The following TANC2 variants were observed in gnomAD, a reference collection of about 807,000 sequenced individuals.
TANC2 encodes the protein protein TANC2.
In TANC2, 26 loss-of-function variants were observed where a neutral mutation model predicts 210.5. The observed-to-expected ratio is 0.12, with a 90% CI of 0.09 to 0.17. The LOEUF is 0.17. Ranked by LOEUF, TANC2 falls within the 10% of genes least tolerant of loss-of-function variation. The pLI, the probability that TANC2 is intolerant of heterozygous loss-of-function variation, is 1.00. For synonymous variants in TANC2, 931 were observed against 967.1 expected (o/e 0.96, Z 0.69); for missense variants, 2,129 against 2,608.9 (o/e 0.82, Z 4.01).
chr17:63,410,469 C>G (rs1215733544), intron 21 of TANC2, among the ~76,000 whole-genome samples: 1 of 152,002 alleles, frequency 6.6e-6, no homozygotes, highest in Non-Finnish European at 1.5e-5. Context: ...TTATTTCCCC[C>G]ACCTGGGGAG....
chr17:63,121,987 A>AG (rs1223632048), intron 4 of TANC2, among the ~76,000 whole-genome samples: 1 of 46,508 alleles, frequency 2.2e-5, no homozygotes. Context: ...AGGGGGGAAG[A>AG]GGGGGAGGGG....
chr17:63,261,879 T>G (rs972201785), intron 8 of TANC2, among the ~76,000 whole-genome samples: 11 of 152,346 alleles, frequency 7.2e-5, no homozygotes, highest in Admixed American at 5.9e-4. Flanking sequence ...TGAAGACATA[T>G]TTACCTCTCC....
intron 7 of TANC2, among the ~76,000 whole-genome samples, chr17:63,206,061 G>A (rs1475955392): frequency 3.3e-5 from 5 of 152,158 alleles, no homozygotes; most frequent in Non-Finnish European, 5.9e-5. Flanking sequence ...CGTTTCTCCA[G>A]AGAAGATATA....
exon 28 of TANC2, chr17:63,423,182 G>C (rs183789370): frequency 6.6e-6 from 1 of 152,144 alleles, no homozygotes; most frequent in Admixed American, 6.5e-5. Flanking sequence ...TTTTCTAGGA[G>C]TGTTTATGAG....
intron 9 of TANC2, among the ~76,000 whole-genome samples, chr17:63,293,499 G>A (rs2044442011): frequency 6.6e-6 from 1 of 152,108 alleles, no homozygotes; most frequent in South Asian, 2.1e-4. Flanking sequence ...CTTTGGCTGT[G>A]TTACACTTTC....
chr17:62,989,962 TG>T (rs1269613344), intron 1 of TANC2, among the ~76,000 whole-genome samples: 1 of 151,894 alleles, frequency 6.6e-6, no homozygotes, highest in African/African-American at 2.4e-5. Flanking sequence ...TTAGTAGAGA[TG>T]GGGTTTCACC....
chr17:63,416,198 C>T (rs1340160236), intron 26 of TANC2, among the ~76,000 whole-genome samples: 1 of 152,158 alleles, frequency 6.6e-6, no homozygotes, highest in Non-Finnish European at 1.5e-5. Flanking sequence ...TAGGGGGAAT[C>T]TCAGAACTCC....
chr17:63,067,149 A>G lies in TANC2; in HGVS notation c.68-6794A>G, dbSNP rs556292587. 1.2e-4 allele frequency among the ~76,000 whole-genome samples: 18 copies of G among 152,346 alleles called. No individual in the cohort carries two copies. In the South Asian group the frequency reaches 3.7e-3, roughly 32 times the overall value. ...GACTTGGAGTTTCATAACTCAAAAC[A>G]TTCATAATGTCCGGATGCAACCAAA... is the stretch of plus-strand genomic sequence containing the variant. On this transcript the variant is annotated intron_variant, in intron 2 of 27. Coordinates refer to ENST00000689528, the Ensembl canonical transcript of TANC2.
At chr17:63,169,123 C>T (rs1331360695) in intron 5 of TANC2, among the ~76,000 whole-genome samples, 2 of 152,160 alleles carry the variant, frequency 1.3e-5, no homozygotes, top group Non-Finnish European at 2.9e-5. Flanking sequence ...CTGTAACTTT[C>T]TCTTTCCTTC....
In TANC2 at chr17:63,220,103, T is replaced by C. The variant is rs538430204; in HGVS notation, c.770-17711T>C. ...GGAGGTCAGGCATTCGAGACCAGCC[T>C]GGCCAACATGGTGAAACCTCTCCTC... On this transcript the variant is annotated intron_variant, in intron 7 of 27. Coordinates refer to ENST00000689528, the Ensembl canonical transcript of TANC2. 2.6e-5 allele frequency among the ~76,000 whole-genome samples: 4 copies of C among 152,148 alleles called. No homozygotes were observed. The East Asian group carries it at 7.8e-4, about 30-fold the overall frequency.
At chr17:63,013,372 C>T (rs990809921) in intron 2 of TANC2, among the ~76,000 whole-genome samples, 3 of 152,114 alleles carry the variant, frequency 2.0e-5, no homozygotes, top group Admixed American at 2.0e-4. Context: ...ATTGCTACTC[C>T]TTTAAAGGCA....
chr17:62,967,002 T>C (rs932476745), intron 1 of TANC2: 2 of 152,260 alleles, frequency 1.3e-5, no homozygotes, highest in African/African-American at 2.4e-5. Context: ...AGAGCGTCTC[T>C]GGATGACGGG....
At chr17:63,184,655 C>CTTT (rs202114362) in intron 5 of TANC2, among the ~76,000 whole-genome samples, 1 of 140,114 alleles carries the variant, frequency 7.1e-6, no homozygotes. Flanking sequence ...AGTATGTATT[C>CTTT]TTTTTTTTTT....
At chr17:63,114,300 C>G (rs1281949156) in intron 4 of TANC2, among the ~76,000 whole-genome samples, 1 of 152,166 alleles carries the variant, frequency 6.6e-6, no homozygotes, top group Non-Finnish European at 1.5e-5. Flanking sequence ...TCATTCACGA[C>G]ATTCATTAAA....
chr17:63,045,435 A>G (rs1442943782), intron 2 of TANC2, among the ~76,000 whole-genome samples: 1 of 152,196 alleles, frequency 6.6e-6, no homozygotes, highest in Non-Finnish European at 1.5e-5. Context: ...ATTCAAATCT[A>G]TCATTCTTTT....
At chr17:63,123,569 A>AG (rs1037131199) in intron 4 of TANC2, among the ~76,000 whole-genome samples, 1 of 152,024 alleles carries the variant, frequency 6.6e-6, no homozygotes, top group East Asian at 1.9e-4. Context: ...AAAAAAAAAA[A>AG]AAGAAAAAGG....
intron 4 of TANC2, among the ~76,000 whole-genome samples, chr17:63,118,455 T>C (rs980570507): frequency 3.9e-5 from 6 of 152,350 alleles, no homozygotes; most frequent in African/African-American, 1.4e-4. Context: ...ATTTTCTCTT[T>C]TTAGTTCCTC....
intron 1 of TANC2, among the ~76,000 whole-genome samples, chr17:62,996,220 A>G (rs1039574928): frequency 5.3e-5 from 8 of 152,178 alleles, no homozygotes; most frequent in African/African-American, 1.9e-4. Flanking sequence ...CACACTGTTC[A>G]AGCAAACTAA....
chr17:62,969,260 G>C (rs1341702801), intron 1 of TANC2, among the ~76,000 whole-genome samples: 1 of 152,196 alleles, frequency 6.6e-6, no homozygotes, highest in Non-Finnish European at 1.5e-5. Flanking sequence ...CTGTTTTACA[G>C]ATGAGAATCT....
Sources: allele counts gnomAD v4.1 joint callset (sites outside exome capture counted in the v4.1 genomes callset), GRCh38; gene constraint gnomAD v4.1.1; transcripts MANE v1.5; gene names NCBI Gene and HGNC (gene_info 2026-07-23, HGNC 2026-07-21).